Variants in COL22A1 observed in about 807,000 individuals in gnomAD.
COL22A1 encodes collagen type XXII alpha 1 chain, also known as collagen alpha-1(XXII) chain.
COL22A1 carries 221 observed loss-of-function variants against 248.9 expected under a neutral mutation model. The observed-to-expected ratio is 0.89, with a 90% CI of 0.80 to 0.99. The LOEUF is 0.99. Ranked by LOEUF, COL22A1 falls within the 50% of genes least tolerant of loss-of-function variation. The pLI, the probability that COL22A1 is intolerant of heterozygous loss-of-function variation, is 0.00. For synonymous variants in COL22A1, 891 were observed against 793.4 expected (o/e 1.12, Z -2.07); for missense variants, 2,240 against 2,179.0 (o/e 1.03, Z -0.56).
chr8:138,717,491 G>T (rs1829535775), intron 27 of COL22A1, among the ~76,000 whole-genome samples: 1 of 151,704 alleles, frequency 6.6e-6, no homozygotes. Context: ...TTAGAGACAG[G>T]GTCTCACTCT....
At chr8:138,840,789 T>G (rs1158272279) in intron 4 of COL22A1, among the ~76,000 whole-genome samples, 3 of 152,060 alleles carry the variant, frequency 2.0e-5, no homozygotes, top group Non-Finnish European at 4.4e-5. Context: ...TGTGTGTATT[T>G]TTTGTAGAGA....
Position 138,817,731 on chromosome 8 carries a change from T to A in COL22A1, c.1245+3405A>T, listed in dbSNP as rs148361327. Among the ~76,000 whole-genome samples, 1,280 of 152,322 alleles carry A rather than the reference T, an allele frequency of 8.4e-3. 17 individuals are homozygous for A. Among genetic ancestry groups the A allele is most frequent in the African/African-American group, 0.028 (1,165 of 41,568 alleles). Reference sequence around the variant, plus strand: ...CACCACCACCATGATAATGTGAAGATGGTGGTGATGATGTTCATGATGACG... The same window carrying A: ...CACCACCACCATGATAATGTGAAGAAGGTGGTGATGATGTTCATGATGACG... On this transcript the variant is annotated intron_variant, in intron 7 of 64. Coordinates refer to ENST00000303045, the MANE Select transcript of COL22A1 (RefSeq NM_152888.3).
chr8:138,607,311 A>G (rs1412922194), intron 57 of COL22A1, among the ~76,000 whole-genome samples: 9 of 152,080 alleles, frequency 5.9e-5, no homozygotes, highest in Admixed American at 5.2e-4. Flanking sequence ...ATACAAGAAG[A>G]CTAGATTGGA....
chr8:138,780,393 A>C (rs1443115556), intron 13 of COL22A1, among the ~76,000 whole-genome samples: 1 of 152,168 alleles, frequency 6.6e-6, no homozygotes, highest in Non-Finnish European at 1.5e-5. Context: ...ACGCAGAACT[A>C]ATGTGTACTT....
chr8:138,661,068 A>T (rs1823909883), intron 43 of COL22A1, among the ~76,000 whole-genome samples: 1 of 136,282 alleles, frequency 7.3e-6, no homozygotes, highest in South Asian at 2.5e-4. Flanking sequence ...ACACACCCAC[A>T]TACACATACA....
At chr8:138,755,339 G>T in intron 20 of COL22A1, 129 bp from the exon 21 acceptor site, 1 of 1,262,252 alleles carries the variant, frequency 7.9e-7, no homozygotes, top group Non-Finnish European at 1.2e-6. Context: ...TAGAGGTATG[G>T]GAGTGGGTAT....
chr8:138,694,564 G>GTA lies in COL22A1; in HGVS notation c.2647-5_2647-4dup, dbSNP rs746152148. ...TCTCCAGGACGGCCCTGCAGTCCCT[G>GTA]TAAGCACACAAGTTGCCATGAACCA... On this transcript the variant is annotated splice_polypyrimidine_tract_variant and splice_region_variant and intron_variant, in intron 33 of 64. Coordinates refer to ENST00000303045, the MANE Select transcript of COL22A1 (RefSeq NM_152888.3). The GTA allele has an allele frequency of 3.1e-6, 5 of 1,614,002 alleles. No homozygotes were observed. Among genetic ancestry groups the GTA allele is most frequent in the Non-Finnish European group, 4.2e-6 (5 of 1,179,908 alleles).
At chr8:138,828,365 C>G (rs1488006602) in intron 5 of COL22A1, among the ~76,000 whole-genome samples, 1 of 151,982 alleles carries the variant, frequency 6.6e-6, no homozygotes, top group Admixed American at 6.6e-5. Context: ...TCAGTTGTGA[C>G]AACAAAATTG....
intron 12 of COL22A1, among the ~76,000 whole-genome samples, chr8:138,790,712 C>G (rs190036214): frequency 6.6e-6 from 1 of 152,216 alleles, no homozygotes; most frequent in Non-Finnish European, 1.5e-5. Context: ...GAAGACCTGG[C>G]TTCTCTGTGA....
intron 6 of COL22A1, among the ~76,000 whole-genome samples, chr8:138,826,265 C>A (rs747377659): frequency 1.3e-5 from 2 of 152,158 alleles, no homozygotes; most frequent in Non-Finnish European, 2.9e-5. Context: ...GGAGTAGACA[C>A]GAGACCTGAA....
intron 5 of COL22A1, among the ~76,000 whole-genome samples, chr8:138,828,591 A>G (rs146240200): frequency 3.1e-4 from 47 of 152,286 alleles, no homozygotes; most frequent in Non-Finnish European, 4.6e-4. Context: ...AGAGCTTAAC[A>G]CAAGCTCACC....
intron 22 of COL22A1, among the ~76,000 whole-genome samples, chr8:138,746,833 G>A (rs559468026): frequency 1.3e-5 from 2 of 152,288 alleles, no homozygotes; most frequent in Non-Finnish European, 2.9e-5. Context: ...GAAGCCCTGT[G>A]CTCTGCCCAG....
In COL22A1 at chr8:138,608,651, T is replaced by C. The variant is rs74444496; in HGVS notation, c.3979-662A>G. On this transcript the variant is annotated intron_variant, in intron 56 of 64. Coordinates refer to ENST00000303045, the MANE Select transcript of COL22A1 (RefSeq NM_152888.3). ...CGGTGAATACATTTAACAAACAGGA[T>C]CCCAGTAGAGTAAAAACAAGAAAGC... Among the ~76,000 whole-genome samples, 889 of 152,272 alleles carry C rather than the reference T, an allele frequency of 5.8e-3. 6 individuals carry two copies. Among genetic ancestry groups the C allele is most frequent in the African/African-American group, 0.019 (793 of 41,540 alleles).
chr8:138,655,811 C>CA (rs1470331049), intron 45 of COL22A1, 86 bp downstream of exon 45: 107 of 1,148,194 alleles, frequency 9.3e-5, no homozygotes, highest in Non-Finnish European at 1.2e-4. Context: ...AATAGTTGTT[C>CA]AAAAAAAACC....
intron 1 of COL22A1, among the ~76,000 whole-genome samples, chr8:138,908,083 T>C (rs1225235182): frequency 2.0e-5 from 3 of 152,116 alleles, no homozygotes; most frequent in African/African-American, 7.2e-5. Context: ...CCATAAACAA[T>C]GCGGACCACA....
Position 138,762,609 on chromosome 8 carries a change from C to CACACACACACA in COL22A1, c.1804-144_1804-143insTGTGTGTGTGT, listed in dbSNP as rs35492380. ...ACGTGCACACACACACACACACACA[C>CACACACACACA]AACAGCCCTAGACGGGATGTGTCTT... is the stretch of plus-strand genomic sequence containing the variant. On this transcript the variant is annotated intron_variant, in intron 16 of 64. Transcript: ENST00000303045. 6.9e-4 allele frequency: 441 copies of CACACACACACA among 640,124 alleles called. 3 individuals carry two copies. The highest frequency in any genetic ancestry group is 2.2e-3 in the South Asian group (118 of 53,724). The allele number at this position is 640,124 out of a possible 1,614,324, so 39.7% of individuals were successfully genotyped here.
intron 12 of COL22A1, 122 bp downstream of exon 12, chr8:138,796,697 G>A: frequency 1.3e-6 from 1 of 768,380 alleles, no homozygotes. Flanking sequence ...ACACAGCCCA[G>A]GACACCTCTT....
chr8:138,870,821 G>A (rs576560354), intron 3 of COL22A1, among the ~76,000 whole-genome samples: 30 of 151,806 alleles, frequency 2.0e-4, no homozygotes, highest in Non-Finnish European at 2.8e-4. Flanking sequence ...GTGCATATGC[G>A]GATGTGTGTG....
chr8:138,868,973 C>G (rs1029170061), intron 3 of COL22A1, among the ~76,000 whole-genome samples: 5 of 152,152 alleles, frequency 3.3e-5, no homozygotes, highest in Non-Finnish European at 7.4e-5. Context: ...CTCAGGTGAT[C>G]CACCTGCCTC....
Sources: allele counts gnomAD v4.1 joint callset (sites outside exome capture counted in the v4.1 genomes callset), GRCh38; gene constraint gnomAD v4.1.1; transcripts MANE v1.5; gene names NCBI Gene and HGNC (gene_info 2026-07-23, HGNC 2026-07-21).